RYR3: variants seen among roughly 807,000 people sequenced by gnomAD.
RYR3 encodes ryanodine receptor 3.
A neutral mutation model predicts 584.3 loss-of-function variants in RYR3; 207 were observed. The observed-to-expected ratio is 0.35, with a 90% CI of 0.32 to 0.40. The LOEUF is 0.40. RYR3 is among the 10% of genes least tolerant of loss of function. RYR3 has a pLI of 1.00. For synonymous variants in RYR3, 2,416 were observed against 2,248.5 expected (o/e 1.07, Z -2.11); for missense variants, 5,616 against 6,089.2 (o/e 0.92, Z 2.59).
intron 24 of RYR3, among the ~76,000 whole-genome samples, chr15:33,633,460 G>A (rs981203931): frequency 6.6e-6 from 1 of 152,226 alleles, no homozygotes; most frequent in African/African-American, 2.4e-5. Flanking sequence ...CTGAGCAGGA[G>A]GCAGCTTGAA....
intron 1 of RYR3, among the ~76,000 whole-genome samples, chr15:33,433,385 A>G (rs1454382652): frequency 1.3e-5 from 2 of 152,292 alleles, no homozygotes; most frequent in African/African-American, 4.8e-5. Flanking sequence ...ATTTGCATCT[A>G]AAGCTATTTT....
chr15:33,549,696 CTT>C (rs1273880376), intron 9 of RYR3, among the ~76,000 whole-genome samples: 1 of 152,200 alleles, frequency 6.6e-6, no homozygotes, highest in East Asian at 1.9e-4. Flanking sequence ...TGTTGTCTCT[CTT>C]TGTCTGGCAA....
At chr15:33,663,781 C>G in intron 36 of RYR3, 44 bp downstream of exon 36, 3 of 1,518,912 alleles carry the variant, frequency 2.0e-6, no homozygotes, top group Non-Finnish European at 2.7e-6. Flanking sequence ...TATGGAAGAA[C>G]TTGAGACCTA....
Position 33,662,635 on chromosome 15 carries a change from C to T in RYR3, c.5105C>T (p.Ala1702Val), listed in dbSNP as rs1383709761. The T allele has an allele frequency of 6.2e-7, 1 of 1,613,994 alleles. No individual in the cohort carries two copies. The highest frequency in any genetic ancestry group is 1.7e-5 in the Admixed American group (1 of 60,022). ...AAGGCTCTGAGTATGCTGACAGAGG[C>T]AGTGCAGTGCAGCGGGGCCCACATC... is the stretch of plus-strand genomic sequence containing the variant. ...RTKALSMLTEAVQCSGAHIRD... is the reference protein window; with the variant it reads ...RTKALSMLTEVVQCSGAHIRD... The change falls in exon 35 of 104, where the codon GCA (alanine) becomes GTA (valine). Residue 1702 changes from alanine to valine, a missense_variant. This residue lies in a region of RYR3 where 753 missense variants were observed against 741.0 expected (regional missense o/e 1.02). Transcript: ENST00000634891.
intron 86 of RYR3, among the ~76,000 whole-genome samples, chr15:33,832,626 C>A (rs1456610110): frequency 6.9e-6 from 1 of 144,620 alleles, no homozygotes; most frequent in Non-Finnish European, 1.5e-5. Flanking sequence ...CATTGCACTA[C>A]AGCATGGGTG....
At chr15:33,598,280 G>C (rs868485693) in intron 16 of RYR3, among the ~76,000 whole-genome samples, 1 of 131,392 alleles carries the variant, frequency 7.6e-6, no homozygotes, top group Non-Finnish European at 1.6e-5. Flanking sequence ...CCTTAGGAGA[G>C]AAAAACAAAC....
chr15:33,855,008 G>A (rs1021525896), intron 98 of RYR3, 96 bp downstream of exon 98: 1 of 1,242,330 alleles, frequency 8.0e-7, no homozygotes, highest in Non-Finnish European at 1.1e-6. Context: ...GAAGGAATAT[G>A]TCTTGGTATA....
At chr15:33,442,316 T>C (rs1347249685) in intron 1 of RYR3, among the ~76,000 whole-genome samples, 2 of 152,212 alleles carry the variant, frequency 1.3e-5, no homozygotes, top group African/African-American at 4.8e-5. Flanking sequence ...ATTAATTACA[T>C]TGTTTTATGG....
chr15:33,468,084 C>T (rs1381932835), intron 1 of RYR3, among the ~76,000 whole-genome samples: 1 of 152,176 alleles, frequency 6.6e-6, no homozygotes, highest in African/African-American at 2.4e-5. Flanking sequence ...CTGATTCAGA[C>T]AGTCCTGGGC....
intron 1 of RYR3, among the ~76,000 whole-genome samples, chr15:33,397,824 A>G (rs1002511191): frequency 1.3e-5 from 2 of 151,990 alleles, no homozygotes; most frequent in African/African-American, 4.8e-5. Flanking sequence ...TACGATCTCT[A>G]TTTTAATATT....
At chr15:33,435,274 T>C (rs1053743028) in intron 1 of RYR3, among the ~76,000 whole-genome samples, 1 of 152,180 alleles carries the variant, frequency 6.6e-6, no homozygotes, top group Admixed American at 6.5e-5. Context: ...CTCTGATAAT[T>C]ATAATTTTTA....
intron 19 of RYR3, among the ~76,000 whole-genome samples, chr15:33,618,565 G>A (rs903677279): frequency 2.6e-5 from 4 of 152,226 alleles, no homozygotes; most frequent in African/African-American, 9.6e-5. Context: ...AGGGGCTAAA[G>A]ATGCAATTAT....
intron 93 of RYR3, 140 bp downstream of exon 93, chr15:33,845,202 C>A: frequency 1.3e-6 from 1 of 740,782 alleles, no homozygotes; most frequent in Non-Finnish European, 2.2e-6. Flanking sequence ...CAGCACATCA[C>A]TTGGGAGCTG....
intron 3 of RYR3, among the ~76,000 whole-genome samples, chr15:33,530,278 A>G (rs1306905609): frequency 1.3e-5 from 2 of 152,200 alleles, no homozygotes; most frequent in African/African-American, 4.8e-5. Context: ...AGAAGTTTCA[A>G]AGGAAGGTAA....
chr15:33,627,616 G>A (rs2061059529), intron 20 of RYR3, among the ~76,000 whole-genome samples: 1 of 152,236 alleles, frequency 6.6e-6, no homozygotes, highest in Admixed American at 6.5e-5. Flanking sequence ...TGAAAAGGAT[G>A]TGTTTGTAGA....
rs117407746 is a variant in RYR3 at position 33,612,814 on chromosome 15, C to G, written c.2165-369C>G. 3.5e-4 allele frequency among the ~76,000 whole-genome samples: 53 copies of G among 152,310 alleles called. No individual in the cohort carries two copies. In the East Asian group the frequency reaches 5.4e-3, roughly 16 times the overall value. ...AAACAGACACACACACCAGCTACTT[C>G]TGAAGAGCAAGCTACACCAGCAAAA... On this transcript the variant is annotated intron_variant, in intron 18 of 103. Transcript: ENST00000634891.
intron 3 of RYR3, among the ~76,000 whole-genome samples, chr15:33,514,429 G>A (rs945289598): frequency 2.0e-5 from 3 of 152,024 alleles, no homozygotes; most frequent in South Asian, 2.1e-4. Flanking sequence ...CCCGCACCAC[G>A]GAGGTTTCTT....
At chr15:33,632,084 C>A (rs568237133) in intron 23 of RYR3, among the ~76,000 whole-genome samples, 1 of 152,354 alleles carries the variant, frequency 6.6e-6, no homozygotes, top group South Asian at 2.1e-4. Context: ...TGCCCAAGGG[C>A]AGCATCCTGA....
At chr15:33,507,901 A>C (rs542776466) in intron 3 of RYR3, among the ~76,000 whole-genome samples, 6 of 152,306 alleles carry the variant, frequency 3.9e-5, no homozygotes, top group East Asian at 1.9e-4. Flanking sequence ...TGTGAGTTTG[A>C]AAATAAAAGT....
Sources: gnomAD v4.1 joint callset for allele counts (sites outside exome capture counted in the v4.1 genomes callset) on GRCh38, gnomAD v4.1.1 for gene constraint, gnomAD v4.1.1 regional missense constraint, MANE v1.5 for transcripts, NCBI Gene and HGNC (gene_info 2026-07-23, HGNC 2026-07-21) for gene names.